Variants in FAM184A observed in about 807,000 individuals in gnomAD.
The protein encoded by FAM184A is protein FAM184A.
A neutral mutation model predicts 143.8 loss-of-function variants in FAM184A; 99 were observed. The observed-to-expected ratio is 0.69, with a 90% CI of 0.58 to 0.81. FAM184A has a LOEUF of 0.81. Among genes scored for constraint, FAM184A ranks in the 40% least tolerant of loss-of-function variants. FAM184A has a pLI of 0.00. For missense variants in FAM184A, 1,217 were observed against 1,310.5 expected, an observed-to-expected ratio of 0.93 and a Z score of 1.10; for synonymous variants, 427 against 446.4, an observed-to-expected ratio of 0.96 and a Z score of 0.55.
At chr6:119,139,077 G>A (rs963050228) in intron 1 of FAM184A, among the ~76,000 whole-genome samples, 1 of 152,184 alleles carries the variant, frequency 6.6e-6, no homozygotes, top group African/African-American at 2.4e-5. Context: ...GGGCCAGGAC[G>A]TGGACCTCTC....
chr6:119,138,967 C>T (rs186934193), intron 1 of FAM184A, among the ~76,000 whole-genome samples: 66 of 152,148 alleles, frequency 4.3e-4, no homozygotes, highest in African/African-American at 1.5e-3. Flanking sequence ...TCAGGCCTAC[C>T]GGAATAATCT....
intron 7 of FAM184A, 35 bp downstream of exon 7, chr6:119,006,412 C>T (rs1192686304): frequency 6.3e-7 from 1 of 1,593,044 alleles, no homozygotes; most frequent in Admixed American, 1.8e-5. Context: ...TTTTATTTTG[C>T]CGCTGTTTAG....
chr6:119,098,556 T>A (rs1788565601), intron 1 of FAM184A, among the ~76,000 whole-genome samples: 1 of 152,194 alleles, frequency 6.6e-6, no homozygotes, highest in Non-Finnish European at 1.5e-5. Context: ...TGGTGAGATA[T>A]CTTGAAGTAG....
chr6:118,972,773 T>C (rs1783733914), intron 14 of FAM184A, among the ~76,000 whole-genome samples: 1 of 152,204 alleles, frequency 6.6e-6, no homozygotes, highest in South Asian at 2.1e-4. Flanking sequence ...TTATTCTTTC[T>C]GTGACTATGT....
chr6:119,051,679 G>C lies in FAM184A; in HGVS notation c.159+26462C>G, dbSNP rs527646641. On this transcript the variant is annotated intron_variant, in intron 1 of 17. Coordinates refer to ENST00000338891, the MANE Select transcript of FAM184A (RefSeq NM_024581.6). Reference sequence around the variant, plus strand: ...CCCACAAAATTTTTTTTTAAAAAGAGAGTATCTTGCCAAAAAAGAAAAAAA... The same window carrying C: ...CCCACAAAATTTTTTTTTAAAAAGACAGTATCTTGCCAAAAAAGAAAAAAA... 9.2e-5 allele frequency among the ~76,000 whole-genome samples: 14 copies of C among 151,878 alleles called. 1 individual carries two copies. In the East Asian group the frequency reaches 2.7e-3, roughly 29 times the overall value.
rs1785554522 is a variant in FAM184A, at chr6:119,024,286, G to A, written c.687C>T (p.Ser229=). The A allele has an allele frequency of 6.2e-7, 1 of 1,613,936 alleles. No individual in the cohort carries two copies. The change falls in exon 2 of 18, where the codon TCC becomes TCT. Residue 229 remains serine, a synonymous_variant. Transcript: ENST00000338891. ...AEELHRMEVE[S]LNKMLEELRL... Reference sequence around the variant, plus strand: ...TTAGCTCCTCAAGCATTTTGTTTAGGGACTCCACCTCCATTCTGTGTAGTT... The same window carrying A: ...TTAGCTCCTCAAGCATTTTGTTTAGAGACTCCACCTCCATTCTGTGTAGTT...
intron 9 of FAM184A, among the ~76,000 whole-genome samples, chr6:118,994,480 A>T (rs1263587657): frequency 6.6e-6 from 1 of 151,688 alleles, no homozygotes; most frequent in African/African-American, 2.4e-5. Flanking sequence ...AGGTCAAGAG[A>T]TTGAGACCAC....
intron 1 of FAM184A, among the ~76,000 whole-genome samples, chr6:119,099,212 A>G (rs1788582400): frequency 6.6e-6 from 1 of 152,094 alleles, no homozygotes; most frequent in African/African-American, 2.4e-5. Flanking sequence ...ACCTCACCCT[A>G]TGCATCTCTT....
chr6:119,146,483 T>G (rs1582655589), intron 1 of FAM184A, among the ~76,000 whole-genome samples: 3 of 151,058 alleles, frequency 2.0e-5, no homozygotes, highest in Non-Finnish European at 4.4e-5. Context: ...CAGGCTGGAG[T>G]GTGGTGACGT....
At chr6:118,980,522 C>T (rs1256985173) in intron 9 of FAM184A, among the ~76,000 whole-genome samples, 172 bp from the exon 10 acceptor site, 4 of 152,042 alleles carry the variant, frequency 2.6e-5, no homozygotes, top group Non-Finnish European at 5.9e-5. Flanking sequence ...TTAATATCAC[C>T]ATTTAAAATT....
At chr6:118,965,887 G>A (rs1783487641) in intron 15 of FAM184A, among the ~76,000 whole-genome samples, 1 of 152,168 alleles carries the variant, frequency 6.6e-6, no homozygotes, top group African/African-American at 2.4e-5. Flanking sequence ...GATTTCATGT[G>A]TGAAATATAA....
chr6:119,026,976 T>A (rs1785657047), intron 1 of FAM184A, among the ~76,000 whole-genome samples: 2 of 152,146 alleles, frequency 1.3e-5, no homozygotes, highest in Admixed American at 1.3e-4. Flanking sequence ...TTACCATCTA[T>A]TCTCTCTGAA....
At chr6:119,141,127 T>A (rs1182006049) in intron 1 of FAM184A, among the ~76,000 whole-genome samples, 1 of 152,206 alleles carries the variant, frequency 6.6e-6, no homozygotes, top group African/African-American at 2.4e-5. Flanking sequence ...GCTCTTTAAT[T>A]CTTTTACTAG....
At position 119,016,796 on chromosome 6, in the gene FAM184A, A is replaced by G. The variant is rs1473559075; in HGVS notation, c.1481T>C (p.Ile494Thr). 1.9e-6 allele frequency: 3 copies of G among 1,614,074 alleles called. No homozygotes were observed. Among genetic ancestry groups the G allele is most frequent in the African/African-American group, 2.7e-5 (2 of 74,934 alleles). ...AATTGCATTACTGTGGACAGCTTCA[A>G]TTGCCATATGGTGCTTCCAAGCTAA... ...EELAWKHHMA[I>T]EAVHSNAIRD... is the part of the protein sequence containing the mutation. Residue 494 changes from isoleucine to threonine, a missense_variant, in exon 5 of 18, where the codon ATT becomes ACT. Coordinates refer to ENST00000338891, the MANE Select transcript of FAM184A (RefSeq NM_024581.6).
At chr6:119,091,861 A>C (rs772819418) in intron 1 of FAM184A, among the ~76,000 whole-genome samples, 19 of 152,208 alleles carry the variant, frequency 1.2e-4, no homozygotes, top group Non-Finnish European at 2.4e-4. Flanking sequence ...TACAGTAGCT[A>C]TGCCAGCTTG....
At chr6:119,063,591 C>A (rs970161053) in intron 1 of FAM184A, among the ~76,000 whole-genome samples, 3 of 152,076 alleles carry the variant, frequency 2.0e-5, no homozygotes, top group African/African-American at 7.2e-5. Flanking sequence ...TGGCCTCGAG[C>A]AAGTCACTTA....
chr6:119,063,502 A>G (rs1276873337), intron 1 of FAM184A, among the ~76,000 whole-genome samples: 4 of 152,200 alleles, frequency 2.6e-5, no homozygotes, highest in Non-Finnish European at 5.9e-5. Flanking sequence ...GTGCATGTTC[A>G]GTGTTTTTAC....
At chr6:119,038,447 A>G (rs969597798) in intron 1 of FAM184A, among the ~76,000 whole-genome samples, 4 of 152,196 alleles carry the variant, frequency 2.6e-5, no homozygotes, top group Non-Finnish European at 4.4e-5. Context: ...AACAGGTTGC[A>G]GTAAAGGAGT....
At chr6:118,989,948 C>T (rs952305374) in intron 9 of FAM184A, among the ~76,000 whole-genome samples, 4 of 152,024 alleles carry the variant, frequency 2.6e-5, no homozygotes, top group Non-Finnish European at 5.9e-5. Context: ...CCTGCCTCAG[C>T]CTCCCGAGTA....
Sources: allele counts gnomAD v4.1 joint callset (sites outside exome capture counted in the v4.1 genomes callset), GRCh38; gene constraint gnomAD v4.1.1; transcripts MANE v1.5; gene names NCBI Gene and HGNC (gene_info 2026-07-23, HGNC 2026-07-21).